PPP4R1: variants seen among roughly 807,000 people sequenced by gnomAD.
The protein encoded by PPP4R1 is protein phosphatase 4 regulatory subunit 1.
Under a neutral mutation model 111.2 loss-of-function variants are expected in PPP4R1, and 42 were observed. That is an observed-to-expected ratio of 0.38 (90% CI 0.29 to 0.49). The LOEUF (loss-of-function observed/expected upper bound fraction) is 0.49. Ranked by LOEUF, PPP4R1 falls within the 20% of genes least tolerant of loss-of-function variation. The probability of loss-of-function intolerance (pLI) is 0.97; values close to 1 mark genes in which losing one functional copy is unlikely to be tolerated. For synonymous variants in PPP4R1, 409 were observed against 405.5 expected (o/e 1.01, Z -0.10); for missense variants, 1,012 against 1,161.6 (o/e 0.87, Z 1.87).
At chr18:9,551,162 T>C in intron 16 of PPP4R1, 1 of 152,234 alleles carries the variant, frequency 6.6e-6, no homozygotes, top group Non-Finnish European at 1.5e-5. Flanking sequence ...AGGACCAGTT[T>C]CTGCTTAGAA....
intron 2 of PPP4R1, among the ~76,000 whole-genome samples, chr18:9,606,554 C>A (rs1245929351): frequency 6.6e-6 from 1 of 152,024 alleles, no homozygotes; most frequent in East Asian, 1.9e-4. Flanking sequence ...ATCAGAAACC[C>A]TTCCTTCAAA....
Position 9,550,382 on chromosome 18 carries a change from G to T in PPP4R1, c.2308C>A (p.Leu770Ile). Residue 770 changes from leucine (L) to isoleucine (I), a missense_variant, in exon 17 of 20, where the codon CTA (leucine) becomes ATA (isoleucine). Transcript: ENST00000400556. Reference protein sequence around the residue: ...AELAEQLILLLELYSPRDVYD... With the variant: ...AELAEQLILLIELYSPRDVYD... ...ACATCTCTGGGACTATATAACTCTAGAAGTAAAATCAGCTGTCTACAAAAA... is the reference window on the plus strand; with the variant it reads ...ACATCTCTGGGACTATATAACTCTATAAGTAAAATCAGCTGTCTACAAAAA... 6.3e-7 allele frequency: 1 copy of T among 1,597,550 alleles called. No homozygotes were observed. Among genetic ancestry groups the T allele is most frequent in the East Asian group, 2.2e-5 (1 of 44,826 alleles).
chr18:9,579,410 A>G (rs563666182), intron 9 of PPP4R1, among the ~76,000 whole-genome samples: 2 of 152,324 alleles, frequency 1.3e-5, no homozygotes, highest in Admixed American at 1.3e-4. Flanking sequence ...TTAACTTTTG[A>G]GAAGGGACAA....
intron 16 of PPP4R1, 84 bp from the exon 17 acceptor site, chr18:9,550,482 T>C (rs957642990): frequency 2.1e-6 from 3 of 1,413,200 alleles, no homozygotes; most frequent in Non-Finnish European, 2.9e-6. Context: ...TCATCTGTAA[T>C]ACTGGATTAC....
intron 11 of PPP4R1, chr18:9,563,811 C>A: frequency 3.6e-6 from 1 of 276,106 alleles, no homozygotes. Flanking sequence ...AAGAGAAATG[C>A]TATCTAGTTG....
intron 10 of PPP4R1, among the ~76,000 whole-genome samples, chr18:9,575,243 T>C (rs2066919075): frequency 6.6e-6 from 1 of 152,248 alleles, no homozygotes; most frequent in South Asian, 2.1e-4. Flanking sequence ...AACGAAGTTC[T>C]ATCTTTCCAT....
intron 15 of PPP4R1, among the ~76,000 whole-genome samples, chr18:9,554,271 G>A (rs1026595620): frequency 4.6e-5 from 7 of 151,904 alleles, no homozygotes; most frequent in African/African-American, 1.7e-4. Context: ...GGGACTACAG[G>A]CGCATGCCAC....
intron 4 of PPP4R1, among the ~76,000 whole-genome samples, chr18:9,590,535 C>A (rs889442771): frequency 5.3e-5 from 8 of 152,140 alleles, no homozygotes; most frequent in Non-Finnish European, 1.0e-4. Flanking sequence ...AGCAACTTTT[C>A]TTTCTTCAAA....
chr18:9,572,795 C>T (rs554669176), intron 10 of PPP4R1, among the ~76,000 whole-genome samples: 2 of 152,208 alleles, frequency 1.3e-5, no homozygotes, highest in African/African-American at 2.4e-5. Flanking sequence ...TGAACAAAAA[C>T]ATACGTAAGT....
intron 4 of PPP4R1, among the ~76,000 whole-genome samples, chr18:9,589,313 A>G (rs921101316): frequency 6.6e-6 from 1 of 152,228 alleles, no homozygotes; most frequent in African/African-American, 2.4e-5. Context: ...GACTTAACTA[A>G]GACTAAAAAT....
intron 16 of PPP4R1, chr18:9,551,103 A>T (rs2066481727): frequency 1.3e-5 from 2 of 152,264 alleles, no homozygotes; most frequent in African/African-American, 4.8e-5. Flanking sequence ...ATGCATCCTC[A>T]AAGAGACACA....
At chr18:9,571,408 A>C (rs1368671892) in intron 10 of PPP4R1, among the ~76,000 whole-genome samples, 1 of 152,242 alleles carries the variant, frequency 6.6e-6, no homozygotes, top group African/African-American at 2.4e-5. Context: ...GATTCAATTA[A>C]ATTTAACAGG....
chr18:9,574,651 G>A (rs1039450896), intron 10 of PPP4R1, among the ~76,000 whole-genome samples: 2 of 152,192 alleles, frequency 1.3e-5, no homozygotes, highest in Admixed American at 6.5e-5. Flanking sequence ...GGGAGGAGCT[G>A]GACGCCACAC....
In PPP4R1 at chr18:9,547,768, A is replaced by G; in HGVS notation, c.*21T>C. 1 of 1,611,404 alleles carries G rather than the reference A, an allele frequency of 6.2e-7. No homozygotes were observed. The highest frequency in any genetic ancestry group is 8.5e-7 in the Non-Finnish European group (1 of 1,179,100). ...ACCTCGGCTCTCATGGAAGCAGGAAAGACACCGAGATTCAAGCCTTCTAGT... is the reference window on the plus strand; with the variant it reads ...ACCTCGGCTCTCATGGAAGCAGGAAGGACACCGAGATTCAAGCCTTCTAGT... On this transcript the variant is annotated 3_prime_UTR_variant, in exon 20 of 20. Coordinates refer to ENST00000400556, the MANE Select transcript of PPP4R1 (RefSeq NM_001042388.3).
chr18:9,549,393 G>T, intron 18 of PPP4R1, 55 bp from the exon 19 acceptor site: 1 of 1,546,446 alleles, frequency 6.5e-7, no homozygotes, highest in Non-Finnish European at 8.8e-7. Context: ...CCAAAAACTC[G>T]ACTACTGGCT....
At chr18:9,586,322 C>T (rs553227748) in intron 6 of PPP4R1, among the ~76,000 whole-genome samples, 5 of 151,840 alleles carry the variant, frequency 3.3e-5, no homozygotes, top group Admixed American at 6.6e-5. Flanking sequence ...TACATTGCAT[C>T]GAGAATTATA....
chr18:9,564,697 G>GGTATGTGT (rs1555668500), intron 11 of PPP4R1, among the ~76,000 whole-genome samples: 1 of 93,492 alleles, frequency 1.1e-5, no homozygotes, highest in African/African-American at 3.9e-5. Flanking sequence ...TAAAGTGCAT[G>GGTATGTGT]GTGTGTGTGT....
At chr18:9,602,390 A>G (rs1285829788) in intron 2 of PPP4R1, among the ~76,000 whole-genome samples, 2 of 149,008 alleles carry the variant, frequency 1.3e-5, no homozygotes, top group Non-Finnish European at 3.0e-5. Flanking sequence ...AAAAAAAAAA[A>G]AAAAAATTAG....
In PPP4R1 at chr18:9,577,076, T is replaced by C. The variant is rs1240752121; in HGVS notation, c.1034A>G (p.Glu345Gly). 5.8e-6 allele frequency: 9 copies of C among 1,559,232 alleles called. No individual in the cohort carries two copies. The highest frequency in any genetic ancestry group is 7.8e-6 in the Non-Finnish European group (9 of 1,153,948). Residue 345 changes from glutamate to glycine, a missense_variant, in exon 10 of 20, where the codon GAA becomes GGA. Around this residue, in one of 2 missense-constraint regions of PPP4R1, gnomAD observed 707 missense variants for 742.1 expected, o/e 0.95. Transcript: ENST00000400556. ...TTCAAAATTATACCTATTTTTGTTT[T>C]CTACTGACATCTCTTCTGAACTTTT... ...ESKSSEEMSVENKNRTRDQEA... is the reference protein window; with the variant it reads ...ESKSSEEMSVGNKNRTRDQEA...
Sources: gnomAD v4.1 joint callset for allele counts (sites outside exome capture counted in the v4.1 genomes callset) on GRCh38, gnomAD v4.1.1 for gene constraint, gnomAD v4.1.1 regional missense constraint, MANE v1.5 for transcripts, NCBI Gene and HGNC (gene_info 2026-07-23, HGNC 2026-07-21) for gene names.